The following KIF18A variants were observed in gnomAD, a reference collection of about 807,000 sequenced individuals.
The protein encoded by KIF18A is kinesin-like protein KIF18A.
KIF18A carries 67 observed loss-of-function variants against 103.3 expected under a neutral mutation model. That is an observed-to-expected ratio of 0.65 (90% CI 0.53 to 0.79). KIF18A has a LOEUF of 0.79. Ranked by LOEUF, KIF18A falls within the 30% of genes least tolerant of loss-of-function variation. KIF18A has a pLI of 0.00. For missense variants in KIF18A, 1,032 were observed against 1,062.5 expected (o/e 0.97, Z 0.40); for synonymous variants, 367 against 355.5 (o/e 1.03, Z -0.36).
rs763003805 is a variant in KIF18A at position 28,056,864 on chromosome 11, A to G, written c.1948+2062T>C. ...TGTGTGCTGGGACACATTTGAGCCA[A>G]ATGTCCCAGCACACATTTAGCTCAC... On this transcript the variant is annotated intron_variant, in intron 13 of 16. Coordinates refer to ENST00000263181, the MANE Select transcript of KIF18A (RefSeq NM_031217.4). 7.2e-6 allele frequency: 2 copies of G among 276,722 alleles called. 1 individual carries two copies. Among genetic ancestry groups the G allele is most frequent in the South Asian group, 7.0e-5 (2 of 28,396 alleles). 17.1% of individuals were successfully genotyped at this position (276,722 alleles called of 1,614,324 possible).
At chr11:28,053,836 T>C (rs1474193159) in intron 13 of KIF18A, among the ~76,000 whole-genome samples, 2 of 151,958 alleles carry the variant, frequency 1.3e-5, no homozygotes, top group East Asian at 3.9e-4. Flanking sequence ...ATGGTACTCA[T>C]AGTATTCTTT....
Position 28,059,138 on chromosome 11 carries a change from G to T in KIF18A, c.1736C>A (p.Thr579Asn), listed in dbSNP as rs754498886. 13 of 1,613,436 alleles carry T rather than the reference G, an allele frequency of 8.1e-6. No individual in the cohort carries two copies. The highest frequency in any genetic ancestry group is 1.3e-5 in the African/African-American group (1 of 74,878). ...TEAVLNALLP[T>N]LRKQYCTLKE... ...TAATGTGCAATATTGTTTTCTTAGG[G>T]TTGGAAGTAAAGCATTCAATACTCT... Residue 579 changes from threonine to asparagine, a missense_variant, in exon 13 of 17, where the codon ACC (threonine) becomes AAC (asparagine). By Grantham distance (65) the Thr-to-Asn change is moderately conservative. Transcript: ENST00000263181.
intron 1 of KIF18A, among the ~76,000 whole-genome samples, chr11:28,106,714 T>C (rs1223439749): frequency 6.6e-6 from 1 of 152,178 alleles, no homozygotes; most frequent in East Asian, 1.9e-4. Context: ...CTCACACCTG[T>C]AATTCCTGCA....
chr11:28,024,199 A>G (rs1197069228), intron 15 of KIF18A, among the ~76,000 whole-genome samples: 1 of 151,160 alleles, frequency 6.6e-6, no homozygotes, highest in African/African-American at 2.4e-5. Context: ...GTTAAAAAAA[A>G]AAAAAAAAAA....
intron 13 of KIF18A, among the ~76,000 whole-genome samples, chr11:28,046,455 C>T (rs1168211444): frequency 3.5e-5 from 5 of 142,524 alleles, no homozygotes; most frequent in Non-Finnish European, 6.0e-5. Flanking sequence ...AACAAAAAAC[C>T]AAACACCGCA....
intron 11 of KIF18A, among the ~76,000 whole-genome samples, chr11:28,062,769 G>T (rs1469012072): frequency 6.6e-6 from 1 of 151,898 alleles, no homozygotes; most frequent in East Asian, 1.9e-4. Flanking sequence ...ACAGCTTCTT[G>T]GTCTATCCAA....
intron 9 of KIF18A, 134 bp downstream of exon 9, chr11:28,082,721 TG>T (rs1453976501): frequency 1.8e-6 from 1 of 553,532 alleles, no homozygotes; most frequent in Non-Finnish European, 3.1e-6. Flanking sequence ...TGTATGTATG[TG>T]TGTATATATA....
chr11:28,023,971 C>T (rs12292666), intron 15 of KIF18A, 121 bp from the exon 16 acceptor site: 78,976 of 510,336 alleles, frequency 0.15, 6,919 homozygotes, highest in East Asian at 0.27. Context: ...GTTGTGAAAT[C>T]TCACAGAAGT....
chr11:28,053,598 C>T (rs1850739475), intron 13 of KIF18A, among the ~76,000 whole-genome samples: 1 of 151,930 alleles, frequency 6.6e-6, no homozygotes, highest in South Asian at 2.1e-4. Flanking sequence ...TGGTGTGCTG[C>T]ACCCATTAAC....
intron 5 of KIF18A, among the ~76,000 whole-genome samples, chr11:28,089,691 T>A (rs1321319719): frequency 6.6e-6 from 1 of 152,232 alleles, no homozygotes; most frequent in Non-Finnish European, 1.5e-5. Flanking sequence ...CACATGACTA[T>A]ACAGTAAAGT....
rs11431907 is a variant in KIF18A, at chr11:28,046,739, G to GAAAAAAAAAAAA, written c.1949-10087_1949-10076dup. ...AAGAAAAAAAATATTGAAATTAAAT[G>GAAAAAAAAAAAA]AAAAAAAAAAAAAGAAATATTGTAA... is the stretch of plus-strand genomic sequence containing the variant. On this transcript the variant is annotated intron_variant, in intron 13 of 16. Transcript: ENST00000263181. Among the ~76,000 whole-genome samples the GAAAAAAAAAAAA allele has an allele frequency of 6.1e-5, 8 of 131,490 alleles. No homozygotes were observed. In the East Asian group the frequency reaches 6.6e-4, roughly 11 times the overall value. The allele number at this position is 131,490 out of a possible 152,430, so 86.3% of individuals were successfully genotyped here.
At chr11:28,090,329 A>G (rs1185982373) in intron 5 of KIF18A, among the ~76,000 whole-genome samples, 1 of 152,202 alleles carries the variant, frequency 6.6e-6, no homozygotes, top group Non-Finnish European at 1.5e-5. Flanking sequence ...CTGTGAATAT[A>G]AGATTATTTA....
At chr11:28,028,871 C>A (rs1375039755) in intron 15 of KIF18A, among the ~76,000 whole-genome samples, 5 of 152,104 alleles carry the variant, frequency 3.3e-5, no homozygotes, top group African/African-American at 4.8e-5. Flanking sequence ...CACAGAAATA[C>A]AAACTACCAT....
In KIF18A at chr11:28,036,516, T is replaced by A. The variant is rs1456685467; in HGVS notation, c.2097A>T (p.Glu699Asp). ...SVQLNDSLSK[E>D]LQPIVYTPED... ...CTGGTGTATATACAATAGGCTGAAG[T>A]TCTTTGCTAAGAGAATCATTGAGCT... Residue 699 changes from glutamate (E) to aspartate (D), a missense_variant, in exon 14 of 17, where the codon GAA becomes GAT. By Grantham distance (45) the Glu-to-Asp change is conservative. Coordinates refer to ENST00000263181, the MANE Select transcript of KIF18A (RefSeq NM_031217.4). 2 of 1,611,388 alleles carry A rather than the reference T, an allele frequency of 1.2e-6. No homozygotes were observed. Among genetic ancestry groups the A allele is most frequent in the Non-Finnish European group, 1.7e-6 (2 of 1,178,314 alleles).
chr11:28,038,006 T>A (rs1850516023), intron 13 of KIF18A, among the ~76,000 whole-genome samples: 1 of 151,606 alleles, frequency 6.6e-6, no homozygotes, highest in Admixed American at 6.6e-5. Context: ...TTACTAGATT[T>A]TTTTTTCTAC....
chr11:28,051,536 T>G (rs1332126286), intron 13 of KIF18A, among the ~76,000 whole-genome samples: 1 of 151,852 alleles, frequency 6.6e-6, no homozygotes, highest in Non-Finnish European at 1.5e-5. Context: ...AAACAAAAAT[T>G]TAAAAGCTTA....
rs1851209267 is a variant in KIF18A at position 28,084,960 on chromosome 11, C to T, written c.898-152G>A. 8 of 572,574 alleles carry T rather than the reference C, an allele frequency of 1.4e-5. No homozygotes were observed. In the Admixed American group the frequency reaches 1.6e-4, roughly 11 times the overall value. The allele number at this position is 572,574 out of a possible 1,614,324, so 35.5% of individuals were successfully genotyped here. On this transcript the variant is annotated intron_variant, in intron 6 of 16. Transcript: ENST00000263181. Reference sequence around the variant, plus strand: ...TGTTTCAGTATAATGAAAAAAATAGCTAGAATAAGAATAGTCATAATACAA... The same window carrying T: ...TGTTTCAGTATAATGAAAAAAATAGTTAGAATAAGAATAGTCATAATACAA...
At chr11:28,090,289 A>G (rs2133559248) in intron 5 of KIF18A, among the ~76,000 whole-genome samples, 1 of 152,330 alleles carries the variant, frequency 6.6e-6, no homozygotes, top group South Asian at 2.1e-4. Flanking sequence ...TATTAGTTCT[A>G]CAAGTCTAGA....
At chr11:28,053,839 T>C (rs1282350894) in intron 13 of KIF18A, among the ~76,000 whole-genome samples, 2 of 152,092 alleles carry the variant, frequency 1.3e-5, no homozygotes, top group Non-Finnish European at 2.9e-5. Flanking sequence ...GTACTCATAG[T>C]ATTCTTTGTG....
Sources: allele counts gnomAD v4.1 joint callset (sites outside exome capture counted in the v4.1 genomes callset), GRCh38; gene constraint gnomAD v4.1.1; transcripts MANE v1.5; gene names NCBI Gene and HGNC (gene_info 2026-07-23, HGNC 2026-07-21).